METTL25: variants seen among roughly 807,000 people sequenced by gnomAD.
The protein encoded by METTL25 is probable methyltransferase-like protein 25.
A neutral mutation model predicts 71.6 loss-of-function variants in METTL25; 64 were observed. The observed-to-expected ratio is 0.89, with a 90% confidence interval of 0.73 to 1.10. The LOEUF is 1.10. Ranked by LOEUF, METTL25 falls within the 50% of genes least tolerant of loss-of-function variation. The pLI, the probability that METTL25 is intolerant of heterozygous loss-of-function variation, is 0.00. For synonymous variants in METTL25, 287 were observed against 250.3 expected (o/e 1.15, Z -1.38); for missense variants, 807 against 707.0 (o/e 1.14, Z -1.60).
intron 5 of METTL25, among the ~76,000 whole-genome samples, chr12:82,417,852 G>A (rs1375156208): frequency 1.6e-4 from 24 of 151,446 alleles, no homozygotes; most frequent in Admixed American, 1.6e-3. Context: ...TTAAGATGAC[G>A]TTGAGCAGAC....
chr12:82,465,312 A>C (rs1039696831), intron 9 of METTL25, among the ~76,000 whole-genome samples: 2 of 152,062 alleles, frequency 1.3e-5, no homozygotes, highest in Non-Finnish European at 2.9e-5. Flanking sequence ...TTTTATCATG[A>C]AGGGATGTTG....
At chr12:82,362,229 T>G (rs4516038) in intron 1 of METTL25, among the ~76,000 whole-genome samples, 140,095 of 152,214 alleles carry the variant, frequency 0.92, 64,837 homozygotes, top group East Asian at 1. Flanking sequence ...TATTTAATTC[T>G]CTAAAATAAA....
chr12:82,465,207 T>C (rs1892148328), intron 9 of METTL25, among the ~76,000 whole-genome samples: 1 of 152,004 alleles, frequency 6.6e-6, no homozygotes, highest in Non-Finnish European at 1.5e-5. Flanking sequence ...AGCTTTCAGT[T>C]TTCCCCCTTT....
At chr12:82,368,919 C>T (rs1882884572) in intron 1 of METTL25, among the ~76,000 whole-genome samples, 1 of 152,094 alleles carries the variant, frequency 6.6e-6, no homozygotes, top group South Asian at 2.1e-4. Context: ...ATTTGATGTT[C>T]CTAATTTTTA....
At chr12:82,373,697 G>A (rs2136874378) in intron 1 of METTL25, among the ~76,000 whole-genome samples, 1 of 152,280 alleles carries the variant, frequency 6.6e-6, no homozygotes, top group South Asian at 2.1e-4. Context: ...GTGGGACCCT[G>A]GAGCTGATTG....
At chr12:82,361,406 C>T (rs1005624538) in intron 1 of METTL25, among the ~76,000 whole-genome samples, 5 of 152,218 alleles carry the variant, frequency 3.3e-5, no homozygotes, top group South Asian at 2.1e-4. Flanking sequence ...AGTCCCATGC[C>T]GTGCGCCCGC....
intron 5 of METTL25, among the ~76,000 whole-genome samples, chr12:82,421,585 A>G (rs559075292): frequency 6.6e-6 from 1 of 152,254 alleles, no homozygotes; most frequent in South Asian, 2.1e-4. Context: ...GCAGAATTGA[A>G]GGAGATAGAG....
chr12:82,394,453 G>A (rs950828734), intron 3 of METTL25, among the ~76,000 whole-genome samples: 15 of 151,994 alleles, frequency 9.9e-5, no homozygotes, highest in African/African-American at 3.1e-4. Context: ...CCTACATGCC[G>A]AACACCTTTG....
chr12:82,421,219 A>G (rs983807488), intron 5 of METTL25, among the ~76,000 whole-genome samples: 5 of 152,156 alleles, frequency 3.3e-5, no homozygotes, highest in African/African-American at 1.2e-4. Flanking sequence ...ATTGGAATAC[A>G]AGGGAGCAAG....
chr12:82,465,414 G>T lies in METTL25; in HGVS notation c.1572+8594G>T, dbSNP rs149373467. On this transcript the variant is annotated intron_variant, in intron 9 of 11. Transcript: ENST00000248306. ...GATGTGATGTCTCATTTATTGCTTT[G>T]TGTATGTTGAAGCAGCCATGCATTC... Among the ~76,000 whole-genome samples the T allele has an allele frequency of 2.9e-3, 447 of 151,952 alleles. 4 individuals are homozygous for T. Among genetic ancestry groups the T allele is most frequent in the African/African-American group, 0.01 (421 of 41,514 alleles).
chr12:82,385,379 A>G (rs1209201206), intron 1 of METTL25, among the ~76,000 whole-genome samples: 1 of 152,124 alleles, frequency 6.6e-6, no homozygotes, highest in Non-Finnish European at 1.5e-5. Context: ...AGAAGACTTC[A>G]TAGCCTATAG....
At chr12:82,459,776 G>A (rs919151014) in intron 9 of METTL25, 2 of 152,152 alleles carry the variant, frequency 1.3e-5, no homozygotes, top group African/African-American at 2.4e-5. Context: ...AAAGCAAGAA[G>A]CCCATATGTT....
At chr12:82,393,118 T>C (rs763517476) in intron 3 of METTL25, among the ~76,000 whole-genome samples, 2 of 152,126 alleles carry the variant, frequency 1.3e-5, no homozygotes, top group African/African-American at 2.4e-5. Flanking sequence ...TCTCTGTCTT[T>C]TGTGATTCCA....
chr12:82,408,597 CGTGTGTGTGT>C (rs56872887), intron 5 of METTL25, among the ~76,000 whole-genome samples: 3 of 147,734 alleles, frequency 2.0e-5, no homozygotes, highest in East Asian at 2.0e-4. Flanking sequence ...GATGTGACTC[CGTGTGTGTGT>C]GTGTGTGTGT....
At chr12:82,402,299 A>T (rs1886695926) in intron 4 of METTL25, among the ~76,000 whole-genome samples, 1 of 152,156 alleles carries the variant, frequency 6.6e-6, no homozygotes, top group African/African-American at 2.4e-5. Context: ...TTTTTATAAC[A>T]ATATTTTATA....
Position 82,386,864 on chromosome 12 carries a change from C to T in METTL25, c.321C>T (p.Ala107=), listed in dbSNP as rs773873025. The stretch of plus-strand genomic sequence containing the variant: ...CTCAGAAGTTGGTGAGTGTGGAAGC[C>T]TTTGCTCTGGCTGCGAAATACTATT... ...ETSQKLVSVE[A]FALAAKYYSV... is the part of the protein sequence containing the mutation. The change falls in exon 2 of 12, where the codon GCC becomes GCT. Residue 107 remains alanine (A), a synonymous_variant. Coordinates refer to ENST00000248306, the MANE Select transcript of METTL25 (RefSeq NM_032230.3). The T allele has an allele frequency of 1.2e-6, 2 of 1,613,426 alleles. No individual in the cohort carries two copies. Among genetic ancestry groups the T allele is most frequent in the Non-Finnish European group, 1.7e-6 (2 of 1,179,632 alleles).
At chr12:82,406,048 G>T (rs988479447) in intron 5 of METTL25, among the ~76,000 whole-genome samples, 1 of 152,158 alleles carries the variant, frequency 6.6e-6, no homozygotes, top group East Asian at 1.9e-4. Flanking sequence ...AAAGGGAAAT[G>T]GGGGAGAGGC....
Position 82,478,866 on chromosome 12 carries a change from C to CCAACT in METTL25, c.1720-64_1720-60dup, listed in dbSNP as rs750185345. The CCAACT allele has an allele frequency of 4.4e-4, 536 of 1,221,068 alleles. 2 individuals carry two copies. The highest frequency in any genetic ancestry group is 5.9e-4 in the Non-Finnish European group (492 of 834,586). The allele number at this position is 1,221,068 out of a possible 1,614,324, so 75.6% of individuals were successfully genotyped here. On this transcript the variant is annotated intron_variant, in intron 11 of 11. Coordinates refer to ENST00000248306, the MANE Select transcript of METTL25 (RefSeq NM_032230.3). ...TATTTTTTATATTACAATATATAAT[C>CCAACT]CAACTCGCGTCTAATTTTTTTCTTC...
Position 82,386,756 on chromosome 12 carries a change from T to A in METTL25, c.260-47T>A, listed in dbSNP as rs767804625. On this transcript the variant is annotated intron_variant, in intron 1 of 11. Coordinates refer to ENST00000248306, the MANE Select transcript of METTL25 (RefSeq NM_032230.3). The stretch of plus-strand genomic sequence containing the variant: ...TGTTGTTTATTAATATCACACTAAT[T>A]AACCATTAATTATTGCTGAAGACTT... The A allele has an allele frequency of 8.3e-6, 12 of 1,450,830 alleles. No homozygotes were observed. In the East Asian group the frequency reaches 2.5e-4, roughly 30 times the overall value. The allele number at this position is 1,450,830 out of a possible 1,614,324, so 89.9% of individuals were successfully genotyped here. A position where few individuals can be genotyped will look rare whatever the true frequency, so the allele number is the denominator to read the frequency against.
Sources: allele counts gnomAD v4.1 joint callset (sites outside exome capture counted in the v4.1 genomes callset), GRCh38; gene constraint gnomAD v4.1.1; transcripts MANE v1.5; gene names NCBI Gene and HGNC (gene_info 2026-07-23, HGNC 2026-07-21).